The following EPHA6 variants were observed in gnomAD, a reference collection of about 807,000 sequenced individuals.
The protein encoded by EPHA6 is ephrin type-A receptor 6.
In EPHA6, 50 loss-of-function variants were observed where a neutral mutation model predicts 112.0. The observed-to-expected ratio is 0.45, with a 90% CI of 0.36 to 0.56. EPHA6 has a LOEUF of 0.56. EPHA6 is among the 20% of genes least tolerant of loss of function. EPHA6 has a pLI of 0.00. For missense variants in EPHA6, 1,280 were observed against 1,417.4 expected, an observed-to-expected ratio of 0.90 and a Z score of 1.56; for synonymous variants, 529 against 490.7, an observed-to-expected ratio of 1.08 and a Z score of -1.03.
chr3:96,877,359 A>G (rs1324504304), intron 2 of EPHA6, among the ~76,000 whole-genome samples: 1 of 152,102 alleles, frequency 6.6e-6, no homozygotes, highest in Non-Finnish European at 1.5e-5. Context: ...AAAGATATTG[A>G]CCTACAAAAT....
intron 3 of EPHA6, among the ~76,000 whole-genome samples, chr3:97,098,089 T>A (rs1163778288): frequency 6.6e-6 from 1 of 151,954 alleles, no homozygotes; most frequent in African/African-American, 2.4e-5. Context: ...GTGCCTCATA[T>A]GTTGGAATTA....
rs777228686 is a variant in EPHA6, at chr3:96,814,917, C to G, written c.294C>G (p.Cys98Trp). Residue 98 changes from cysteine to tryptophan, a missense_variant, in exon 1 of 18, where the codon TGC (cysteine) becomes TGG (tryptophan). This residue lies in a region of EPHA6 where 220 missense variants were observed against 171.5 expected (regional missense o/e 1.28). Coordinates refer to ENST00000389672, the MANE Select transcript of EPHA6 (RefSeq NM_001080448.3). ...AGCCTAGGAGAACCATGGGGGGCTG[C>G]GAAGTCCGGGAATTTCTTTTGCAAT... ...KREPRRTMGG[C>W]EVREFLLQFG... is the part of the protein sequence containing the mutation. 3.2e-6 allele frequency: 5 copies of G among 1,552,116 alleles called. No individual in the cohort carries two copies. The highest frequency in any genetic ancestry group is 4.4e-6 in the Non-Finnish European group (5 of 1,147,076).
rs115101450 is a variant in EPHA6 at position 97,682,574 on chromosome 3, A to C, written c.2785-37687A>C. On this transcript the variant is annotated intron_variant, in intron 14 of 17. Transcript: ENST00000389672. ...TTTCCTCCATAGACTATGATCCCTC[A>C]TTGCTCATCTTGAAAATCCTTTTGC... Among the ~76,000 whole-genome samples the C allele has an allele frequency of 6.4e-3, 978 of 152,224 alleles. 6 individuals carry two copies. Among genetic ancestry groups the C allele is most frequent in the African/African-American group, 0.022 (928 of 41,546 alleles).
At chr3:97,095,449 A>G in intron 3 of EPHA6, among the ~76,000 whole-genome samples, 1 of 150,442 alleles carries the variant, frequency 6.6e-6, no homozygotes, top group Non-Finnish European at 1.5e-5. Flanking sequence ...TTCAAGTATA[A>G]TGATAAAAAA....
chr3:97,137,283 A>G (rs2075789808), intron 3 of EPHA6, among the ~76,000 whole-genome samples: 1 of 152,140 alleles, frequency 6.6e-6, no homozygotes, highest in African/African-American at 2.4e-5. Flanking sequence ...TTTGGACCTT[A>G]GAGTCTGCCA....
intron 2 of EPHA6, among the ~76,000 whole-genome samples, chr3:96,923,967 A>C (rs1184184678): frequency 6.6e-6 from 1 of 151,732 alleles, no homozygotes; most frequent in South Asian, 2.1e-4. Context: ...TGGTTTCTCT[A>C]TTCTGTGGGT....
intron 3 of EPHA6, among the ~76,000 whole-genome samples, chr3:97,084,592 T>C (rs1288411172): frequency 6.6e-6 from 1 of 152,034 alleles, no homozygotes; most frequent in African/African-American, 2.4e-5. Flanking sequence ...CAGTAACATT[T>C]ATTTGCACCA....
chr3:97,535,145 G>T (rs1185821296), intron 11 of EPHA6, among the ~76,000 whole-genome samples: 4 of 151,804 alleles, frequency 2.6e-5, no homozygotes, highest in Admixed American at 2.6e-4. Flanking sequence ...GTTTAATAAG[G>T]TATTATGTGG....
At chr3:96,968,388 GCACACACACA>G (rs148279577) in intron 2 of EPHA6, among the ~76,000 whole-genome samples, 5 of 143,606 alleles carry the variant, frequency 3.5e-5, no homozygotes, top group South Asian at 2.3e-4. Flanking sequence ...AATGGTAAAA[GCACACACACA>G]CACACACACA....
At chr3:96,946,510 T>G (rs951266531) in intron 2 of EPHA6, among the ~76,000 whole-genome samples, 3 of 152,214 alleles carry the variant, frequency 2.0e-5, no homozygotes, top group African/African-American at 7.2e-5. Flanking sequence ...GAACTCATCC[T>G]TTTTTATGGC....
chr3:97,517,087 C>A lies in EPHA6; in HGVS notation c.2201-15271C>A, dbSNP rs1295410157. Among the ~76,000 whole-genome samples, 3 of 151,890 alleles carry A rather than the reference C, an allele frequency of 2.0e-5. No individual in the cohort carries two copies. In the East Asian group the frequency reaches 5.8e-4, roughly 29 times the overall value. On this transcript the variant is annotated intron_variant, in intron 10 of 17. Coordinates refer to ENST00000389672, the MANE Select transcript of EPHA6 (RefSeq NM_001080448.3). ...ATTATAGGAGACATGATGGGATCGG[C>A]GGAAGTGTTGAAATGTGAAGACAGT...
At chr3:97,141,937 G>A (rs1029633145) in intron 3 of EPHA6, among the ~76,000 whole-genome samples, 7 of 151,952 alleles carry the variant, frequency 4.6e-5, no homozygotes, top group African/African-American at 1.7e-4. Context: ...TGCAGCTGCA[G>A]TGTTTGCCCC....
intron 6 of EPHA6, chr3:97,441,565 T>C (rs1647411379): frequency 3.1e-6 from 1 of 324,654 alleles, no homozygotes; most frequent in South Asian, 1.2e-4. Flanking sequence ...ACTGTTACTT[T>C]GCAATATTAT....
intron 5 of EPHA6, among the ~76,000 whole-genome samples, chr3:97,283,671 C>A (rs1400222935): frequency 6.6e-6 from 1 of 151,908 alleles, no homozygotes; most frequent in Non-Finnish European, 1.5e-5. Context: ...GGCTTAAAAC[C>A]TAGATGATGG....
At chr3:97,513,379 T>C (rs531199979) in intron 10 of EPHA6, among the ~76,000 whole-genome samples, 3 of 152,212 alleles carry the variant, frequency 2.0e-5, no homozygotes, top group Non-Finnish European at 4.4e-5. Context: ...TCACAATAGT[T>C]TATTCACTAT....
At chr3:97,505,598 T>C (rs2107571018) in intron 10 of EPHA6, among the ~76,000 whole-genome samples, 1 of 152,270 alleles carries the variant, frequency 6.6e-6, no homozygotes, top group South Asian at 2.1e-4. Flanking sequence ...TTGATGGGCA[T>C]TTGGGTTGGT....
intron 3 of EPHA6, among the ~76,000 whole-genome samples, chr3:97,048,442 C>G (rs184545938): frequency 1.3e-5 from 2 of 152,020 alleles, no homozygotes; most frequent in Admixed American, 6.6e-5. Context: ...ATCTTGAATG[C>G]CTTGTTACAG....
chr3:97,375,532 A>G (rs2085300055), intron 5 of EPHA6, among the ~76,000 whole-genome samples: 1 of 152,170 alleles, frequency 6.6e-6, no homozygotes, highest in East Asian at 1.9e-4. Flanking sequence ...AGACAAATTA[A>G]TCAATTTTTT....
chr3:96,985,062 C>T (rs1317435842), intron 2 of EPHA6, among the ~76,000 whole-genome samples: 1 of 152,120 alleles, frequency 6.6e-6, no homozygotes. Flanking sequence ...CTGTCCTGCC[C>T]CCACTGTCTG....
Sources: gnomAD v4.1 joint callset for allele counts (sites outside exome capture counted in the v4.1 genomes callset) on GRCh38, gnomAD v4.1.1 for gene constraint, gnomAD v4.1.1 regional missense constraint, MANE v1.5 for transcripts, NCBI Gene and HGNC (gene_info 2026-07-23, HGNC 2026-07-21) for gene names.